KANK1: variants seen among roughly 807,000 people sequenced by gnomAD.
KANK1 encodes the protein KN motif and ankyrin repeat domain-containing protein 1.
Under a neutral mutation model 106.2 loss-of-function variants are expected in KANK1, and 109 were observed. That is an observed-to-expected ratio of 1.03 (90% CI 0.88 to 1.20). KANK1 has a LOEUF of 1.20. Ranked by LOEUF, KANK1 falls within the 50% of genes most tolerant of loss-of-function variation. KANK1 has a pLI of 0.00. For missense variants in KANK1, 2,399 were observed against 1,710.7 expected (o/e 1.40, Z -7.10); for synonymous variants, 873 against 652.2 (o/e 1.34, Z -5.16).
chr9:620,269 C>A (rs941915633), intron 1 of KANK1, among the ~76,000 whole-genome samples: 1 of 152,170 alleles, frequency 6.6e-6, no homozygotes, highest in South Asian at 2.1e-4. Context: ...TTAATCACAT[C>A]CATTCCTTTC....
chr9:533,309 A>T (rs2060148412), intron 1 of KANK1, among the ~76,000 whole-genome samples: 1 of 152,208 alleles, frequency 6.6e-6, no homozygotes, highest in Non-Finnish European at 1.5e-5. Flanking sequence ...GTGTGGGTAC[A>T]GAGTTTAGAT....
At chr9:661,976 G>T (rs1378117991) in intron 1 of KANK1, among the ~76,000 whole-genome samples, 7 of 152,114 alleles carry the variant, frequency 4.6e-5, no homozygotes, top group Non-Finnish European at 1.0e-4. Flanking sequence ...GGGGTTGTTT[G>T]ATTTTTTCTT....
At chr9:658,911 C>T (rs952819058) in intron 1 of KANK1, among the ~76,000 whole-genome samples, 4 of 152,036 alleles carry the variant, frequency 2.6e-5, no homozygotes, top group Non-Finnish European at 5.9e-5. Flanking sequence ...ATGTTGTTTC[C>T]GTGGAAAGAC....
rs571331677 is a variant in KANK1 at position 684,260 on chromosome 9, T to A, written c.37+7251T>A. 7 of 985,426 alleles carry A rather than the reference T, an allele frequency of 7.1e-6. No homozygotes were observed. The South Asian group carries it at 2.8e-4, about 40-fold the overall frequency. 61.0% of individuals were successfully genotyped at this position (985,426 alleles called of 1,614,324 possible). ...GCTCTCCAGCTAAGCCAAGAAAGGATGATTTATCTTCCAGTGAGTACCAGC... is the reference window on the plus strand; with the variant it reads ...GCTCTCCAGCTAAGCCAAGAAAGGAAGATTTATCTTCCAGTGAGTACCAGC... On this transcript the variant is annotated intron_variant, in intron 2 of 11. Coordinates refer to ENST00000382297, the MANE Select transcript of KANK1 (RefSeq NM_015158.5).
Position 641,699 on chromosome 9 carries a change from C to G in KANK1, c.-83-35191C>G, listed in dbSNP as rs143108893. ...ATTTTTTTCTCTACCTATCTTACAT[C>G]TTACTCTCTTGCCATTTCTTGTAAC... On this transcript the variant is annotated intron_variant, in intron 1 of 11. Coordinates refer to ENST00000382297, the MANE Select transcript of KANK1 (RefSeq NM_015158.5). Among the ~76,000 whole-genome samples the G allele has an allele frequency of 9.0e-4, 137 of 152,294 alleles. 4 individuals are homozygous for G. The highest frequency in any genetic ancestry group is 3.1e-3 in the African/African-American group (128 of 41,546).
intron 3 of KANK1, among the ~76,000 whole-genome samples, chr9:493,406 C>T (rs1337837702): frequency 6.6e-6 from 1 of 152,092 alleles, no homozygotes; most frequent in Admixed American, 6.5e-5. Context: ...TTTCAAATGA[C>T]AGAAGCCCCC....
intron 1 of KANK1, among the ~76,000 whole-genome samples, chr9:597,473 C>T (rs948045119): frequency 6.6e-6 from 1 of 151,590 alleles, no homozygotes; most frequent in East Asian, 1.9e-4. Flanking sequence ...TGGTATTTAT[C>T]TTTCCATGTA....
At chr9:603,958 C>CAAA (rs71314719) in intron 1 of KANK1, among the ~76,000 whole-genome samples, 1,483 of 94,354 alleles carry the variant, frequency 0.016, 28 homozygotes, top group African/African-American at 0.051. Context: ...GACTCTGTCT[C>CAAA]AAAAAAAAAA....
chr9:599,606 T>C (rs189159370), intron 1 of KANK1, among the ~76,000 whole-genome samples: 3 of 151,908 alleles, frequency 2.0e-5, no homozygotes, highest in Admixed American at 1.3e-4. Context: ...CCCATCATAC[T>C]GATATGCTAC....
intron 3 of KANK1, among the ~76,000 whole-genome samples, chr9:727,321 A>C (rs1486354123): frequency 6.8e-6 from 1 of 147,936 alleles, no homozygotes; most frequent in Non-Finnish European, 1.5e-5. Flanking sequence ...AATCCAAGGA[A>C]ATTTTTTTTT....
chr9:590,731 CT>C (rs1381023138), intron 1 of KANK1, among the ~76,000 whole-genome samples: 2 of 151,548 alleles, frequency 1.3e-5, no homozygotes, highest in Non-Finnish European at 2.9e-5. Context: ...AACCTCTCTG[CT>C]TATCAGTAGT....
chr9:652,725 C>T (rs1841186656), intron 1 of KANK1, among the ~76,000 whole-genome samples: 1 of 152,128 alleles, frequency 6.6e-6, no homozygotes, highest in Admixed American at 6.5e-5. Context: ...TACATACATG[C>T]TTATAAAACC....
chr9:712,681 G>T lies in KANK1; in HGVS notation c.1915G>T (p.Val639Phe). Residue 639 changes from valine to phenylalanine, a missense_variant, in exon 3 of 12, where the codon GTC becomes TTC. Transcript: ENST00000382297. ...GCGDCSVDVT[V>F]CSPKECASRG... Reference sequence around the variant, plus strand: ...TGGAGATTGTTCTGTTGACGTGACCGTCTGCTCTCCAAAGGAGTGCGCCTC... The same window carrying T: ...TGGAGATTGTTCTGTTGACGTGACCTTCTGCTCTCCAAAGGAGTGCGCCTC... The T allele has an allele frequency of 3.1e-6, 5 of 1,614,086 alleles. No homozygotes were observed. The highest frequency in any genetic ancestry group is 4.2e-6 in the Non-Finnish European group (5 of 1,180,006).
chr9:602,946 C>A (rs771056987), intron 1 of KANK1, among the ~76,000 whole-genome samples: 1 of 151,850 alleles, frequency 6.6e-6, no homozygotes, highest in African/African-American at 2.4e-5. Context: ...GCACATTCCA[C>A]GTGTGGCTGA....
rs1826434957 is a variant in KANK1, at chr9:712,513, G to A, written c.1747G>A (p.Gly583Arg). The A allele has an allele frequency of 6.2e-7, 1 of 1,614,224 alleles. No homozygotes were observed. The highest frequency in any genetic ancestry group is 8.5e-7 in the Non-Finnish European group (1 of 1,180,040). Residue 583 changes from glycine (G) to arginine (R), a missense_variant, in exon 3 of 12, where the codon GGG becomes AGG. By Grantham distance (125) the Gly-to-Arg change is moderately radical (BLOSUM62 -2). Transcript: ENST00000382297. ...GGTGGAAATGCATGACCGATGTGCT[G>A]GGAGGTCTGTGGAAATGTGTGACAA... ...ERVEMHDRCAGRSVEMCDKSV... is the reference protein window; with the variant it reads ...ERVEMHDRCARRSVEMCDKSV...
intron 1 of KANK1, among the ~76,000 whole-genome samples, chr9:638,456 C>T (rs1045280360): frequency 1.3e-5 from 2 of 152,166 alleles, no homozygotes; most frequent in Non-Finnish European, 2.9e-5. Context: ...TCTGCTATGT[C>T]AGAGAGATTG....
chr9:636,858 C>T (rs963747717), intron 1 of KANK1, among the ~76,000 whole-genome samples: 5 of 152,280 alleles, frequency 3.3e-5, no homozygotes, highest in African/African-American at 4.8e-5. Flanking sequence ...CGCGAGACTC[C>T]GTCTCAAAAT....
intron 1 of KANK1, among the ~76,000 whole-genome samples, chr9:509,180 C>A (rs1054050242): frequency 6.6e-6 from 1 of 152,200 alleles, no homozygotes; most frequent in African/African-American, 2.4e-5. Flanking sequence ...TCACTGGAAC[C>A]TCTGCCTCCT....
At chr9:476,284 G>C (rs1478805814) in intron 3 of KANK1, among the ~76,000 whole-genome samples, 1 of 152,170 alleles carries the variant, frequency 6.6e-6, no homozygotes, top group Non-Finnish European at 1.5e-5. Context: ...ACTTTGGGAG[G>C]CCGAGGCGGG....
Sources: allele counts gnomAD v4.1 joint callset (sites outside exome capture counted in the v4.1 genomes callset), GRCh38; gene constraint gnomAD v4.1.1; transcripts MANE v1.5; gene names NCBI Gene and HGNC (gene_info 2026-07-23, HGNC 2026-07-21).